The following RGS6 variants were observed in gnomAD, a reference collection of about 807,000 sequenced individuals.
RGS6 encodes the protein regulator of G protein signaling 6, also known as regulator of G-protein signaling 6.
RGS6 carries 30 observed loss-of-function variants against 78.5 expected under a neutral mutation model. The ratio of observed to expected loss-of-function variants is 0.38; its 90% CI spans 0.29 to 0.52. The LOEUF is 0.52. Among genes scored for constraint, RGS6 ranks in the 20% least tolerant of loss-of-function variants. The probability of loss-of-function intolerance (pLI) is 0.85; values close to 1 mark genes in which losing one functional copy is unlikely to be tolerated. For synonymous variants in RGS6, 206 were observed against 206.0 expected (o/e 1.00, Z 0.00); for missense variants, 495 against 609.7 (o/e 0.81, Z 1.98).
chr14:72,058,375 C>CT (rs995346404), intron 2 of RGS6, among the ~76,000 whole-genome samples: 32 of 151,790 alleles, frequency 2.1e-4, no homozygotes, highest in Admixed American at 1.9e-3. Flanking sequence ...TTGAGGGTGC[C>CT]TTTTTTTTGG....
intron 2 of RGS6, among the ~76,000 whole-genome samples, chr14:72,054,427 G>A (rs1415156098): frequency 6.6e-6 from 1 of 152,130 alleles, no homozygotes; most frequent in Non-Finnish European, 1.5e-5. Flanking sequence ...AAAATAAGAT[G>A]GAACCTGAAA....
intron 2 of RGS6, among the ~76,000 whole-genome samples, chr14:72,124,923 G>T (rs569304129): frequency 6.6e-6 from 1 of 152,294 alleles, no homozygotes; most frequent in East Asian, 1.9e-4. Flanking sequence ...CATAAGAGAA[G>T]GTGGCAGTGC....
At chr14:72,112,626 C>T (rs1028492617) in intron 2 of RGS6, among the ~76,000 whole-genome samples, 2 of 152,194 alleles carry the variant, frequency 1.3e-5, no homozygotes, top group African/African-American at 4.8e-5. Context: ...AATCATTTTA[C>T]AGGCATCATT....
chr14:71,915,183 G>A, the RGS6 span, among the ~76,000 whole-genome samples: 1 of 151,936 alleles, frequency 6.6e-6, no homozygotes, highest in Non-Finnish European at 1.5e-5. Context: ...GCTTGAACCG[G>A]GAGGCAGAGG....
At chr14:72,143,932 A>G (rs1168399877) in intron 2 of RGS6, among the ~76,000 whole-genome samples, 1 of 152,198 alleles carries the variant, frequency 6.6e-6, no homozygotes, top group Non-Finnish European at 1.5e-5. Context: ...AATTAGTAAG[A>G]GATATGTCAG....
At chr14:72,091,286 G>A (rs8021154) in intron 2 of RGS6, among the ~76,000 whole-genome samples, 132,137 of 151,916 alleles carry the variant, frequency 0.87, 57,809 homozygotes, top group Admixed American at 0.93. Flanking sequence ...AAGCAGCTAG[G>A]CTTAGACTTC....
the RGS6 span, among the ~76,000 whole-genome samples, chr14:71,888,280 T>A: frequency 1.3e-5 from 2 of 151,622 alleles, no homozygotes; most frequent in Non-Finnish European, 2.9e-5. Context: ...ATACAAAAAT[T>A]AGCCAGGTGT....
At chr14:71,889,721 C>T in the RGS6 span, among the ~76,000 whole-genome samples, 3 of 152,106 alleles carry the variant, frequency 2.0e-5, no homozygotes, top group African/African-American at 7.2e-5. Context: ...TCTGTGTCCC[C>T]ACAAAATCTT....
intron 2 of RGS6, among the ~76,000 whole-genome samples, chr14:72,190,071 G>A (rs1336272225): frequency 6.6e-6 from 1 of 151,968 alleles, no homozygotes; most frequent in Admixed American, 6.6e-5. Flanking sequence ...ATCCCTCTTT[G>A]CCAGCCAACC....
chr14:71,951,673 C>G (rs2092332318), intron 1 of RGS6, among the ~76,000 whole-genome samples: 1 of 152,176 alleles, frequency 6.6e-6, no homozygotes, highest in African/African-American at 2.4e-5. Context: ...CATTAAATCT[C>G]TAGCCTAAAT....
chr14:72,235,355 G>T (rs776565150), intron 2 of RGS6, among the ~76,000 whole-genome samples: 2 of 152,144 alleles, frequency 1.3e-5, no homozygotes, highest in Non-Finnish European at 2.9e-5. Flanking sequence ...TCCCTACATC[G>T]TCTTAAAGAA....
intron 16 of RGS6, among the ~76,000 whole-genome samples, chr14:72,537,998 G>C (rs1206749355): frequency 6.6e-6 from 1 of 152,218 alleles, no homozygotes; most frequent in Non-Finnish European, 1.5e-5. Flanking sequence ...CCTGGGAAAA[G>C]TTCCTTAGAG....
At chr14:72,272,942 C>T (rs905674044) in intron 2 of RGS6, among the ~76,000 whole-genome samples, 1 of 152,100 alleles carries the variant, frequency 6.6e-6, no homozygotes, top group African/African-American at 2.4e-5. Flanking sequence ...TGGCAAAACC[C>T]CATCTCTACT....
intron 2 of RGS6, among the ~76,000 whole-genome samples, chr14:72,226,588 C>T (rs2153802216): frequency 6.6e-6 from 1 of 152,318 alleles, no homozygotes; most frequent in Admixed American, 6.5e-5. Context: ...CCAGTGGCAT[C>T]AATATCAACT....
chr14:72,203,528 C>A (rs1049532682), intron 2 of RGS6, among the ~76,000 whole-genome samples: 4 of 152,172 alleles, frequency 2.6e-5, no homozygotes, highest in Non-Finnish European at 5.9e-5. Context: ...CTTTCAAGCT[C>A]ACACATGTGG....
chr14:72,307,259 A>AC (rs11429249), intron 2 of RGS6, among the ~76,000 whole-genome samples: 151,009 of 152,370 alleles, frequency 0.99, 74,831 homozygotes, highest in Middle Eastern at 1. Context: ...TATAAACATA[A>AC]TTTTATATGT....
the RGS6 span, among the ~76,000 whole-genome samples, chr14:72,594,166 C>T: frequency 6.6e-6 from 1 of 152,034 alleles, no homozygotes; most frequent in Admixed American, 6.6e-5. Flanking sequence ...ACAGAGGAGC[C>T]CAGAGCAGGT....
chr14:72,591,665 A>G, the RGS6 span, among the ~76,000 whole-genome samples: 1 of 152,222 alleles, frequency 6.6e-6, no homozygotes, highest in Non-Finnish European at 1.5e-5. Flanking sequence ...TACTGTGTCC[A>G]GTGACCTGCA....
chr14:72,541,543 G>A (rs1399641211), intron 17 of RGS6: 20 of 1,535,530 alleles, frequency 1.3e-5, no homozygotes, highest in African/African-American at 4.1e-5. Context: ...GTGTGGCTCC[G>A]CACACCAAGA....
Sources: gnomAD v4.1 joint callset for allele counts (sites outside exome capture counted in the v4.1 genomes callset) on GRCh38, gnomAD v4.1.1 for gene constraint, MANE v1.5 for transcripts, NCBI Gene and HGNC (gene_info 2026-07-23, HGNC 2026-07-21) for gene names.